The following STARD9 variants were observed in gnomAD, a reference collection of about 807,000 sequenced individuals.
The protein encoded by STARD9 is stAR-related lipid transfer protein 9.
Under a neutral mutation model 399.8 loss-of-function variants are expected in STARD9, and 346 were observed. The ratio of observed to expected loss-of-function variants is 0.87; its 90% confidence interval spans 0.79 to 0.95. The LOEUF is 0.95. Ranked by LOEUF, STARD9 falls within the 40% of genes least tolerant of loss-of-function variation. The pLI, the probability that STARD9 is intolerant of heterozygous loss-of-function variation, is 0.00. For synonymous variants in STARD9, 2,203 were observed against 2,143.5 expected (o/e 1.03, Z -0.77); for missense variants, 5,832 against 5,667.5 (o/e 1.03, Z -0.93).
At chr15:42,586,351 G>A (rs529327915) in intron 3 of STARD9, among the ~76,000 whole-genome samples, 2 of 152,322 alleles carry the variant, frequency 1.3e-5, no homozygotes, top group South Asian at 4.1e-4. Flanking sequence ...AGCAGCCAAG[G>A]CTTTGCCAGC....
chr15:42,618,873 A>G (rs2059028058), intron 3 of STARD9, among the ~76,000 whole-genome samples: 1 of 152,054 alleles, frequency 6.6e-6, no homozygotes. Context: ...CGCCTGGCCA[A>G]CAGTTTTGTC....
In STARD9 at chr15:42,663,315, C is replaced by A. The variant is rs1157709766; in HGVS notation, c.903C>A (p.Ser301Arg). The change falls in exon 12 of 33, where the codon AGC becomes AGA. Residue 301 changes from serine (S) to arginine (R), a missense_variant. Around this residue, in one of 2 missense-constraint regions of STARD9, gnomAD observed 5,828 missense variants for 5,651.1 expected, o/e 1.03. Coordinates refer to ENST00000290607, the MANE Select transcript of STARD9 (RefSeq NM_020759.3). Reference protein sequence around the residue: ...QNSQVFSSCQSLNSSVSNGGD... With the variant: ...QNSQVFSSCQRLNSSVSNGGD... Reference sequence around the variant, plus strand: ...CCCAAGTTTTCAGCAGCTGCCAGAGCCTCAACAGCTCAGTCAGCAATGGTG... The same window carrying A: ...CCCAAGTTTTCAGCAGCTGCCAGAGACTCAACAGCTCAGTCAGCAATGGTG... 3.9e-6 allele frequency: 6 copies of A among 1,537,116 alleles called. No individual in the cohort carries two copies. The highest frequency in any genetic ancestry group is 3.3e-4 in the Middle Eastern group (2 of 6,012).
rs2059156945 is a variant in STARD9 at position 42,624,484 on chromosome 15, AC to A, written c.235-10370del. On this transcript the variant is annotated intron_variant, in intron 3 of 32. Transcript: ENST00000290607. ...AAAAGTCTGAAAGAGTAATTTCACCACCAAAATGTTAAGAATGTATTATCTC... is the reference window on the plus strand; with the variant it reads ...AAAAGTCTGAAAGAGTAATTTCACCACAAAATGTTAAGAATGTATTATCTC... Among the ~76,000 whole-genome samples the A allele has an allele frequency of 3.9e-5, 6 of 151,978 alleles. No homozygotes were observed. The South Asian group carries it at 1.2e-3, about 31-fold the overall frequency.
At position 42,690,048 on chromosome 15, in the gene STARD9, T is replaced by C; in HGVS notation, c.8470T>C (p.Ser2824Pro). The change falls in exon 23 of 33, where the codon TCT (serine) becomes CCT (proline). Residue 2824 changes from serine (S) to proline (P), a missense_variant. Around this residue, in one of 2 missense-constraint regions of STARD9, gnomAD observed 5,828 missense variants for 5,651.1 expected, o/e 1.03. Transcript: ENST00000290607. ...SQSVTCDVQN[S>P]TSASGPKQDH... Reference sequence around the variant, plus strand: ...GTCTGTGACCTGTGATGTTCAGAATTCTACAAGTGCCTCAGGGCCTAAGCA... The same window carrying C: ...GTCTGTGACCTGTGATGTTCAGAATCCTACAAGTGCCTCAGGGCCTAAGCA... The C allele has an allele frequency of 2.6e-6, 4 of 1,537,502 alleles. No homozygotes were observed. The highest frequency in any genetic ancestry group is 1.4e-5 in the African/African-American group (1 of 73,176).
At chr15:42,578,705 T>G (rs557584667) in intron 1 of STARD9, among the ~76,000 whole-genome samples, 8 of 152,068 alleles carry the variant, frequency 5.3e-5, no homozygotes, top group Admixed American at 3.9e-4. Flanking sequence ...CAGGGATACA[T>G]TAAACAAACA....
intron 3 of STARD9, among the ~76,000 whole-genome samples, chr15:42,591,891 C>T (rs760147442): frequency 6.6e-6 from 1 of 152,172 alleles, no homozygotes; most frequent in Non-Finnish European, 1.5e-5. Context: ...CATTCACGTT[C>T]TATTAGATCT....
At chr15:42,628,944 G>GT (rs1285645945) in intron 3 of STARD9, among the ~76,000 whole-genome samples, 2 of 152,100 alleles carry the variant, frequency 1.3e-5, no homozygotes, top group African/African-American at 2.4e-5. Flanking sequence ...TTTTAGGATT[G>GT]TTTTTTCTAT....
Position 42,718,304 on chromosome 15 carries a change from T to C in STARD9, c.13762+125T>C, listed in dbSNP as rs2061388751. 4 of 1,223,048 alleles carry C rather than the reference T, an allele frequency of 3.3e-6. No individual in the cohort carries two copies. The Admixed American group carries it at 6.1e-5, about 19-fold the overall frequency. The allele number at this position is 1,223,048 out of a possible 1,614,324, so 75.8% of individuals were successfully genotyped here. On this transcript the variant is annotated intron_variant, in intron 30 of 32. Transcript: ENST00000290607. ...TTGGAGGCCAGGTACTCAGGTTACCTTGATTGCTCAGCCTAGGTTGAGCTA... is the reference window on the plus strand; with the variant it reads ...TTGGAGGCCAGGTACTCAGGTTACCCTGATTGCTCAGCCTAGGTTGAGCTA...
At chr15:42,661,647 A>G (rs1381866015) in intron 10 of STARD9, among the ~76,000 whole-genome samples, 2 of 151,770 alleles carry the variant, frequency 1.3e-5, no homozygotes, top group African/African-American at 4.8e-5. Context: ...AATGGAGACA[A>G]CATCTCATTA....
intron 30 of STARD9, 82 bp from the exon 31 acceptor site, chr15:42,718,353 G>T: frequency 1.5e-6 from 2 of 1,304,896 alleles, no homozygotes; most frequent in Admixed American, 2.0e-5. Flanking sequence ...GGGGTGTTGG[G>T]GGGAGGGCTC....
At chr15:42,714,838 C>CTCAG (rs2061321839) in intron 26 of STARD9, among the ~76,000 whole-genome samples, 1 of 151,286 alleles carries the variant, frequency 6.6e-6, no homozygotes, top group Non-Finnish European at 1.5e-5. Context: ...TGAAATGGGT[C>CTCAG]TCTGATGCAA....
intron 26 of STARD9, among the ~76,000 whole-genome samples, chr15:42,712,296 G>A (rs1392690984): frequency 6.7e-6 from 1 of 148,526 alleles, no homozygotes; most frequent in East Asian, 2.0e-4. Context: ...TTGATATAGT[G>A]CCCTTTGAAG....
intron 15 of STARD9, among the ~76,000 whole-genome samples, chr15:42,666,873 G>A (rs182793324): frequency 9.2e-5 from 14 of 152,120 alleles, no homozygotes; most frequent in Non-Finnish European, 1.5e-4. Flanking sequence ...GGAGTGCAGC[G>A]TTGTGATCTC....
rs766004816 is a variant in STARD9 at position 42,691,749 on chromosome 15, G to A, written c.10171G>A (p.Asp3391Asn). 5.2e-6 allele frequency: 8 copies of A among 1,537,252 alleles called. No individual in the cohort carries two copies. In the South Asian group the frequency reaches 8.3e-5, roughly 16 times the overall value. Residue 3391 changes from aspartate to asparagine, a missense_variant, in exon 23 of 33, where the codon GAT becomes AAT. Asp to Asn is a conservative substitution (Grantham distance 23). Coordinates refer to ENST00000290607, the MANE Select transcript of STARD9 (RefSeq NM_020759.3). ...DSNQKASSRL[D>N]DGTTDHRHLK... ...CAATCAGAAAGCCTCATCTCGCTTG[G>A]ATGATGGGACTACCGATCACAGGCA... is the stretch of plus-strand genomic sequence containing the variant.
chr15:42,657,725 C>A (rs145835652), intron 9 of STARD9, among the ~76,000 whole-genome samples: 8 of 152,190 alleles, frequency 5.3e-5, no homozygotes, highest in African/African-American at 1.9e-4. Flanking sequence ...TGAGATAAAC[C>A]CTATGCTTCC....
chr15:42,718,583 G>A, intron 31 of STARD9, 69 bp downstream of exon 31: 1 of 1,480,154 alleles, frequency 6.8e-7, no homozygotes, highest in South Asian at 1.2e-5. Flanking sequence ...AACAATCTAT[G>A]TGGGCCTCAG....
chr15:42,705,740 C>T (rs1017281800), intron 26 of STARD9, among the ~76,000 whole-genome samples: 1 of 151,462 alleles, frequency 6.6e-6, no homozygotes, highest in East Asian at 1.9e-4. Context: ...TGCACCCAGC[C>T]TGTTGTTTGT....
At chr15:42,683,482 AAC>A (rs1365806096) in intron 22 of STARD9, among the ~76,000 whole-genome samples, 1 of 152,172 alleles carries the variant, frequency 6.6e-6, no homozygotes, top group African/African-American at 2.4e-5. Context: ...CTTTTCTTGT[AAC>A]CACAATGTTA....
In STARD9 at chr15:42,717,738, C is replaced by T; in HGVS notation, c.13502C>T (p.Ala4501Val). 1 of 1,537,202 alleles carries T rather than the reference C, an allele frequency of 6.5e-7. No homozygotes were observed. The highest frequency in any genetic ancestry group is 8.7e-7 in the Non-Finnish European group (1 of 1,146,898). The change falls in exon 29 of 33, where the codon GCT (alanine) becomes GTT (valine). Residue 4501 changes from alanine (A) to valine (V), a missense_variant. Ala to Val is a moderately conservative substitution (Grantham distance 64). This residue lies in a region of STARD9 where 5,828 missense variants were observed against 5,651.1 expected (regional missense o/e 1.03). Transcript: ENST00000290607. Reference protein sequence around the residue: ...VVDTSMADVMAACSDNLHNLF... With the variant: ...VVDTSMADVMVACSDNLHNLF... Reference sequence around the variant, plus strand: ...TGGCCATTGTGTCCCCAGGTAATGGCTGCTTGTTCGGATAATTTGCACAAC... The same window carrying T: ...TGGCCATTGTGTCCCCAGGTAATGGTTGCTTGTTCGGATAATTTGCACAAC...
Sources: gnomAD v4.1 joint callset for allele counts (sites outside exome capture counted in the v4.1 genomes callset) on GRCh38, gnomAD v4.1.1 for gene constraint, gnomAD v4.1.1 regional missense constraint, MANE v1.5 for transcripts, NCBI Gene and HGNC (gene_info 2026-07-23, HGNC 2026-07-21) for gene names.